The following CLYBL variants were observed in gnomAD, a reference collection of about 807,000 sequenced individuals.
The protein encoded by CLYBL is citramalyl-CoA lyase, mitochondrial.
CLYBL carries 31 observed loss-of-function variants against 38.9 expected under a neutral mutation model. The observed-to-expected ratio is 0.80, with a 90% CI of 0.60 to 1.08. CLYBL has a LOEUF of 1.08. CLYBL is among the 50% of genes least tolerant of loss of function. CLYBL has a pLI of 0.00. For synonymous variants in CLYBL, 171 were observed against 158.6 expected, an observed-to-expected ratio of 1.08 and a Z score of -0.59; for missense variants, 434 against 411.6, an observed-to-expected ratio of 1.05 and a Z score of -0.47.
At chr13:99,891,154 G>T (rs1011176364) in intron 7 of CLYBL, among the ~76,000 whole-genome samples, 164 bp from the exon 8 acceptor site, 1 of 152,070 alleles carries the variant, frequency 6.6e-6, no homozygotes, top group African/African-American at 2.4e-5. Flanking sequence ...GGGGAAAAAA[G>T]AAGTGTTTCC....
rs190731001 is a variant in CLYBL at position 99,765,634 on chromosome 13, C to T, written c.63-7190C>T. On this transcript the variant is annotated intron_variant, in intron 1 of 8. Transcript: ENST00000339105. ...TCACAACTTACTGCAGCCTCAACCT[C>T]CTAGGCTCAAGCAAATCCTCCCTCT... Among the ~76,000 whole-genome samples the T allele has an allele frequency of 1.3e-3, 201 of 152,268 alleles. 2 individuals are homozygous for T. The highest frequency in any genetic ancestry group is 1.1e-3 in the Non-Finnish European group (78 of 68,024).
At chr13:99,789,141 A>C (rs1228682353) in intron 2 of CLYBL, among the ~76,000 whole-genome samples, 1 of 152,156 alleles carries the variant, frequency 6.6e-6, no homozygotes, top group African/African-American at 2.4e-5. Context: ...ATCTTTTCAA[A>C]AAACCAGCTC....
At chr13:99,866,642 T>C (rs2051753609) in intron 6 of CLYBL, among the ~76,000 whole-genome samples, 1 of 151,594 alleles carries the variant, frequency 6.6e-6, no homozygotes, top group South Asian at 2.1e-4. Context: ...AGTTGCTTTT[T>C]TTTTTTTCTC....
chr13:99,661,751 A>G (rs370246587), intron 1 of CLYBL, among the ~76,000 whole-genome samples: 10 of 152,138 alleles, frequency 6.6e-5, no homozygotes, highest in South Asian at 2.1e-4. Flanking sequence ...AGTGGTTGCT[A>G]TTTTATTTCA....
intron 2 of CLYBL, among the ~76,000 whole-genome samples, chr13:99,792,518 G>A (rs2049938303): frequency 6.6e-6 from 1 of 152,186 alleles, no homozygotes; most frequent in Non-Finnish European, 1.5e-5. Context: ...GTGAAACACA[G>A]AGGAAGGCAA....
intron 1 of CLYBL, among the ~76,000 whole-genome samples, chr13:99,609,105 T>C (rs1309994719): frequency 6.6e-6 from 1 of 150,984 alleles, no homozygotes; most frequent in Non-Finnish European, 1.5e-5. Context: ...ACCCCACAGG[T>C]CTTTGAGACT....
intron 7 of CLYBL, among the ~76,000 whole-genome samples, chr13:99,890,678 G>A (rs144447907): frequency 3.3e-5 from 5 of 152,084 alleles, no homozygotes; most frequent in African/African-American, 4.8e-5. Context: ...GTGTTGGCCA[G>A]GCTGGTCTTG....
intron 2 of CLYBL, among the ~76,000 whole-genome samples, chr13:99,830,826 A>G (rs1195601478): frequency 6.6e-6 from 1 of 152,250 alleles, no homozygotes; most frequent in Non-Finnish European, 1.5e-5. Context: ...CATTGAAAAG[A>G]TAAGTCCATG....
intron 1 of CLYBL, among the ~76,000 whole-genome samples, chr13:99,671,737 G>A (rs2047567146): frequency 6.7e-6 from 1 of 150,184 alleles, no homozygotes; most frequent in Non-Finnish European, 1.5e-5. Context: ...CCAAGATCAC[G>A]CCACTGTACT....
intron 1 of CLYBL, among the ~76,000 whole-genome samples, chr13:99,646,305 T>C (rs1048619807): frequency 6.6e-6 from 1 of 151,838 alleles, no homozygotes; most frequent in African/African-American, 2.4e-5. Context: ...TGAGGAGTGG[T>C]GTGTTATAGG....
chr13:99,658,537 ACT>A lies in CLYBL; in HGVS notation c.62+51785_62+51786del, dbSNP rs1326709643. On this transcript the variant is annotated intron_variant, in intron 1 of 8. Transcript: ENST00000339105. ...CCCACGCCGGCCTCCCCTCCTTTCA[ACT>A]CTCTGCGCTTTGAAACCGCGGAGTT... is the stretch of plus-strand genomic sequence containing the variant. Among the ~76,000 whole-genome samples the A allele has an allele frequency of 2.0e-4, 30 of 151,202 alleles. No homozygotes were observed. The South Asian group carries it at 4.2e-3, about 21-fold the overall frequency.
chr13:99,792,140 T>G (rs190482442), intron 2 of CLYBL, among the ~76,000 whole-genome samples: 1 of 152,314 alleles, frequency 6.6e-6, no homozygotes, highest in East Asian at 1.9e-4. Flanking sequence ...ACAATAGATT[T>G]TTACTTTGCA....
intron 2 of CLYBL, among the ~76,000 whole-genome samples, chr13:99,839,342 C>T (rs2051012994): frequency 6.6e-6 from 1 of 152,346 alleles, no homozygotes; most frequent in South Asian, 2.1e-4. Context: ...ACGGACCACA[C>T]TTACATATCT....
chr13:99,610,863 A>G (rs200577956), intron 1 of CLYBL, among the ~76,000 whole-genome samples: 1 of 152,194 alleles, frequency 6.6e-6, no homozygotes, highest in East Asian at 1.9e-4. Context: ...GTTATCTTCC[A>G]TCTCAAGTAG....
intron 1 of CLYBL, among the ~76,000 whole-genome samples, chr13:99,713,028 T>C (rs2048258476): frequency 6.6e-6 from 1 of 152,236 alleles, no homozygotes; most frequent in Admixed American, 6.5e-5. Flanking sequence ...TTCTTCAGAC[T>C]TCATGGAAAA....
rs536910602 is a variant in CLYBL, at chr13:99,719,603, T to C, written c.63-53221T>C. 2.0e-5 allele frequency among the ~76,000 whole-genome samples: 3 copies of C among 152,098 alleles called. 1 individual carries two copies. The highest frequency in any genetic ancestry group is 7.2e-5 in the African/African-American group (3 of 41,502). ...CTCACTGCAACCTCCACCTCCTGGG[T>C]TCAAGCGATTCTCCTGCCTCAGCCT... is the stretch of plus-strand genomic sequence containing the variant. On this transcript the variant is annotated intron_variant, in intron 1 of 8. Coordinates refer to ENST00000339105, the MANE Select transcript of CLYBL (RefSeq NM_206808.5).
chr13:99,860,880 GT>G (rs1409196915), intron 3 of CLYBL, among the ~76,000 whole-genome samples: 2 of 152,194 alleles, frequency 1.3e-5, no homozygotes, highest in Admixed American at 1.3e-4. Context: ...GCTAGTGTGG[GT>G]TCTTGTTTGA....
intron 7 of CLYBL, among the ~76,000 whole-genome samples, chr13:99,879,578 G>A (rs565629660): frequency 3.9e-5 from 6 of 152,234 alleles, no homozygotes; most frequent in South Asian, 4.1e-4. Flanking sequence ...CTCCTGAGGC[G>A]CTGCCAAATA....
At position 99,701,957 on chromosome 13, in the gene CLYBL, T is replaced by TA. The variant is rs990892548; in HGVS notation, c.63-70865dup. Among the ~76,000 whole-genome samples the TA allele has an allele frequency of 2.5e-4, 38 of 152,188 alleles. 1 individual carries two copies. Among genetic ancestry groups the TA allele is most frequent in the African/African-American group, 8.4e-4 (35 of 41,526 alleles). ...AAAGTGCTGAGGTTACATACTTTAT[T>TA]AACAAAGGAGTGAAGTGATACCCCC... On this transcript the variant is annotated intron_variant, in intron 1 of 8. Coordinates refer to ENST00000339105, the MANE Select transcript of CLYBL (RefSeq NM_206808.5).
Sources: allele counts gnomAD v4.1 joint callset (sites outside exome capture counted in the v4.1 genomes callset), GRCh38; gene constraint gnomAD v4.1.1; transcripts MANE v1.5; gene names NCBI Gene and HGNC (gene_info 2026-07-23, HGNC 2026-07-21).